Variants in ADGB observed in about 807,000 individuals in gnomAD.
ADGB encodes the protein androglobin, also known as calpain-7-like protein.
ADGB carries 172 observed loss-of-function variants against 210.5 expected under a neutral mutation model. That is an observed-to-expected ratio of 0.82 (90% confidence interval 0.72 to 0.93). The LOEUF (loss-of-function observed/expected upper bound fraction) is 0.93. Ranked by LOEUF, ADGB falls within the 40% of genes least tolerant of loss-of-function variation. The probability of loss-of-function intolerance (pLI) is 0.00; values close to 1 mark genes in which losing one functional copy is unlikely to be tolerated. For synonymous variants in ADGB, 658 were observed against 662.7 expected, an observed-to-expected ratio of 0.99 and a Z score of 0.11; for missense variants, 2,025 against 1,964.8, an observed-to-expected ratio of 1.03 and a Z score of -0.58.
Position 146,751,089 on chromosome 6 carries a change from C to A in ADGB, c.3366-1441C>A, listed in dbSNP as rs555560876. Reference sequence around the variant, plus strand: ...TCAAACCCATTACCTAGGTATTAAGCTCAGCATGCATTAGCTCTTTTACCT... The same window carrying A: ...TCAAACCCATTACCTAGGTATTAAGATCAGCATGCATTAGCTCTTTTACCT... On this transcript the variant is annotated intron_variant, in intron 26 of 35. Transcript: ENST00000397944. 2.0e-5 allele frequency among the ~76,000 whole-genome samples: 3 copies of A among 152,066 alleles called. No individual in the cohort carries two copies. The East Asian group carries it at 5.8e-4, about 29-fold the overall frequency.
At chr6:146,708,180 A>G (rs897917988) in intron 13 of ADGB, among the ~76,000 whole-genome samples, 1 of 152,010 alleles carries the variant, frequency 6.6e-6, no homozygotes, top group Admixed American at 6.6e-5. Context: ...AATTATTGCA[A>G]TTATTATTAT....
intron 11 of ADGB, among the ~76,000 whole-genome samples, chr6:146,691,500 ATTTTT>A (rs71031007): frequency 7.3e-5 from 1 of 13,638 alleles, no homozygotes; most frequent in East Asian, 2.4e-3. Flanking sequence ...ATATATATAT[ATTTTT>A]TTTTTTTTTT....
At chr6:146,657,091 C>A in intron 5 of ADGB, 111 bp downstream of exon 5, 1 of 947,256 alleles carries the variant, frequency 1.1e-6, no homozygotes, top group Non-Finnish European at 1.6e-6. Flanking sequence ...AGGCAAAGGC[C>A]AAGGCAGTGG....
intron 4 of ADGB, among the ~76,000 whole-genome samples, chr6:146,655,828 T>C (rs77106053): frequency 0.014 from 2,148 of 152,254 alleles, 43 homozygotes; most frequent in African/African-American, 0.047. Flanking sequence ...TTCTACTTTA[T>C]CAAACATTAA....
intron 1 of ADGB, among the ~76,000 whole-genome samples, chr6:146,634,665 C>T (rs1562260573): frequency 6.6e-6 from 1 of 151,924 alleles, no homozygotes; most frequent in African/African-American, 2.4e-5. Flanking sequence ...TATCACAAAC[C>T]TTAAATATGC....
At chr6:146,706,108 T>G (rs2114551039) in intron 13 of ADGB, among the ~76,000 whole-genome samples, 1 of 151,520 alleles carries the variant, frequency 6.6e-6, no homozygotes, top group African/African-American at 2.4e-5. Flanking sequence ...AAAAAAAAAT[T>G]ACAAATGGGG....
At chr6:146,681,129 A>G (rs976543638) in intron 9 of ADGB, among the ~76,000 whole-genome samples, 1 of 152,172 alleles carries the variant, frequency 6.6e-6, no homozygotes, top group Non-Finnish European at 1.5e-5. Context: ...CCTCGCCCAA[A>G]CTTCATGTTG....
intron 1 of ADGB, among the ~76,000 whole-genome samples, chr6:146,610,783 C>A (rs1440663205): frequency 6.6e-6 from 1 of 152,156 alleles, no homozygotes; most frequent in Non-Finnish European, 1.5e-5. Context: ...ACAGTAAAAG[C>A]ATTTCATTGT....
chr6:146,809,428 A>G (rs543261531), intron 35 of ADGB, among the ~76,000 whole-genome samples: 6 of 151,734 alleles, frequency 4.0e-5, no homozygotes, highest in African/African-American at 1.4e-4. Flanking sequence ...CTGGTCTTGA[A>G]CTCTTGACCT....
At chr6:146,672,080 T>C in intron 7 of ADGB, 140 bp from the exon 8 acceptor site, 1 of 1,153,380 alleles carries the variant, frequency 8.7e-7, no homozygotes, top group South Asian at 1.8e-5. Context: ...CATAATGCTG[T>C]TCTTTTAACT....
chr6:146,607,087 G>A (rs976883793), intron 1 of ADGB, among the ~76,000 whole-genome samples: 1 of 152,018 alleles, frequency 6.6e-6, no homozygotes, highest in Non-Finnish European at 1.5e-5. Flanking sequence ...GCAATGTTTT[G>A]TAATCCTTGA....
intron 20 of ADGB, 60 bp downstream of exon 20, chr6:146,728,801 C>G: frequency 1.5e-6 from 2 of 1,366,400 alleles, no homozygotes; most frequent in Non-Finnish European, 2.0e-6. Flanking sequence ...AATGGTATAT[C>G]TTCCATTAGG....
At chr6:146,720,173 T>C (rs1191298596) in intron 16 of ADGB, among the ~76,000 whole-genome samples, 3 of 152,140 alleles carry the variant, frequency 2.0e-5, no homozygotes, top group Non-Finnish European at 4.4e-5. Context: ...GTTGAAGCAC[T>C]GAGAACTTGA....
intron 26 of ADGB, among the ~76,000 whole-genome samples, chr6:146,751,306 G>T (rs1162021454): frequency 6.6e-6 from 1 of 152,024 alleles, no homozygotes; most frequent in Non-Finnish European, 1.5e-5. Flanking sequence ...CAAAGGACAT[G>T]ATCTCATTCC....
intron 13 of ADGB, among the ~76,000 whole-genome samples, chr6:146,702,686 G>C (rs1286953160): frequency 1.3e-5 from 2 of 151,770 alleles, no homozygotes; most frequent in Admixed American, 6.6e-5. Flanking sequence ...TACACCTAAA[G>C]AGTATCTTCA....
At chr6:146,635,639 G>A in intron 2 of ADGB, 102 bp downstream of exon 2, 2 of 1,219,384 alleles carry the variant, frequency 1.6e-6, no homozygotes, top group Non-Finnish European at 2.2e-6. Context: ...TCCATAATGT[G>A]CATTCAAAAG....
chr6:146,800,779 C>A (rs1778117737), intron 33 of ADGB, among the ~76,000 whole-genome samples: 1 of 152,000 alleles, frequency 6.6e-6, no homozygotes, highest in Non-Finnish European at 1.5e-5. Context: ...ATATCCCAAG[C>A]CCGGTAGTAC....
intron 23 of ADGB, among the ~76,000 whole-genome samples, chr6:146,738,510 C>T (rs7768478): frequency 0.44 from 61,907 of 141,712 alleles, 13,354 homozygotes; most frequent in East Asian, 0.63. Flanking sequence ...AGTGCAGTGG[C>T]ACGATCTGGG....
chr6:146,730,863 C>T (rs533232690), intron 20 of ADGB, among the ~76,000 whole-genome samples: 6 of 152,192 alleles, frequency 3.9e-5, no homozygotes, highest in African/African-American at 1.2e-4. Flanking sequence ...TGCTTGAACC[C>T]GGGAGGCAGA....
Sources: allele counts gnomAD v4.1 joint callset (sites outside exome capture counted in the v4.1 genomes callset), GRCh38; gene constraint gnomAD v4.1.1; transcripts MANE v1.5; gene names NCBI Gene and HGNC (gene_info 2026-07-23, HGNC 2026-07-21).